ATP6V1H: variants seen among roughly 807,000 people sequenced by gnomAD.
ATP6V1H encodes V-type proton ATPase subunit H.
ATP6V1H carries 39 observed loss-of-function variants against 71.7 expected under a neutral mutation model. The observed-to-expected ratio is 0.54, with a 90% CI of 0.42 to 0.71. The LOEUF (loss-of-function observed/expected upper bound fraction) is 0.71. Among genes scored for constraint, ATP6V1H ranks in the 30% least tolerant of loss-of-function variants. The probability of loss-of-function intolerance (pLI) is 0.00; values close to 1 mark genes in which losing one functional copy is unlikely to be tolerated. For missense variants in ATP6V1H, 509 were observed against 594.9 expected (o/e 0.86, Z 1.50); for synonymous variants, 192 against 199.3 (o/e 0.96, Z 0.31).
chr8:53,804,507 T>C (rs1810016330), intron 7 of ATP6V1H, among the ~76,000 whole-genome samples: 1 of 152,108 alleles, frequency 6.6e-6, no homozygotes, highest in South Asian at 2.1e-4. Context: ...AAGTCCTGTC[T>C]CTACTAAACA....
chr8:53,841,568 T>C lies in ATP6V1H; in HGVS notation c.113+10A>G, dbSNP rs898177704. The C allele has an allele frequency of 7.4e-6, 12 of 1,613,700 alleles. No homozygotes were observed. The highest frequency in any genetic ancestry group is 1.0e-5 in the Non-Finnish European group (12 of 1,179,698). ...TGACTGTCCATGATTCACAGCAAAT[T>C]GGTACTTACTGAAGATAGGATTGCC... On this transcript the variant is annotated intron_variant, in intron 2 of 13. Transcript: ENST00000359530.
chr8:53,808,901 T>G (rs977021028), intron 7 of ATP6V1H, among the ~76,000 whole-genome samples: 5 of 152,214 alleles, frequency 3.3e-5, no homozygotes, highest in Non-Finnish European at 5.9e-5. Flanking sequence ...ATCATGTTTA[T>G]TTCACATTTT....
At chr8:53,730,378 C>A (rs369413106) in intron 13 of ATP6V1H, among the ~76,000 whole-genome samples, 2 of 152,180 alleles carry the variant, frequency 1.3e-5, no homozygotes, top group South Asian at 4.1e-4. Flanking sequence ...CAATTACATT[C>A]CTGTTTTGTT....
intron 13 of ATP6V1H, among the ~76,000 whole-genome samples, chr8:53,727,056 C>G (rs532322908): frequency 1.1e-4 from 17 of 152,198 alleles, no homozygotes; most frequent in Non-Finnish European, 2.4e-4. Context: ...CTAGTCTGGA[C>G]AGATGTTTTA....
intron 4 of ATP6V1H, among the ~76,000 whole-genome samples, chr8:53,828,812 A>G (rs1810904406): frequency 1.3e-5 from 2 of 152,254 alleles, no homozygotes; most frequent in South Asian, 4.1e-4. Context: ...CTTTCCTTCA[A>G]GTCTCCTGAG....
At chr8:53,833,335 T>C (rs563832994) in intron 2 of ATP6V1H, 14 of 412,788 alleles carry the variant, frequency 3.4e-5, no homozygotes, top group Non-Finnish European at 6.1e-5. Context: ...TAAGGGGCTG[T>C]ACTGAGGATA....
chr8:53,840,327 C>T (rs147337475), intron 2 of ATP6V1H, among the ~76,000 whole-genome samples: 335 of 152,160 alleles, frequency 2.2e-3, no homozygotes, highest in African/African-American at 7.6e-3. Flanking sequence ...GAAACCCTGT[C>T]TCTACTAAAA....
At chr8:53,717,363 C>T (rs1806460435) in intron 13 of ATP6V1H, among the ~76,000 whole-genome samples, 1 of 152,164 alleles carries the variant, frequency 6.6e-6, no homozygotes, top group Non-Finnish European at 1.5e-5. Flanking sequence ...GTGTCACGCA[C>T]CACTCCCCCC....
chr8:53,839,542 A>G (rs1424964189), intron 2 of ATP6V1H: 3 of 915,400 alleles, frequency 3.3e-6, no homozygotes, highest in Non-Finnish European at 3.9e-6. Flanking sequence ...GACTCTCTCA[A>G]TCTAACCAAT....
At chr8:53,780,025 G>A (rs1274155763) in intron 9 of ATP6V1H, among the ~76,000 whole-genome samples, 1 of 152,008 alleles carries the variant, frequency 6.6e-6, no homozygotes, top group Non-Finnish European at 1.5e-5. Context: ...CAGGCGTGGT[G>A]CTGCATGCCT....
At chr8:53,720,144 C>A (rs1806565420) in intron 13 of ATP6V1H, among the ~76,000 whole-genome samples, 1 of 152,114 alleles carries the variant, frequency 6.6e-6, no homozygotes, top group South Asian at 2.1e-4. Context: ...TACAAGCAAT[C>A]TATAGGAATG....
At chr8:53,724,015 A>G (rs1044682084) in intron 13 of ATP6V1H, among the ~76,000 whole-genome samples, 5 of 152,226 alleles carry the variant, frequency 3.3e-5, no homozygotes, top group Non-Finnish European at 5.9e-5. Flanking sequence ...ACAATTTACT[A>G]TTTTCTAAGT....
chr8:53,775,422 A>G (rs1311402561), intron 9 of ATP6V1H, among the ~76,000 whole-genome samples: 1 of 152,198 alleles, frequency 6.6e-6, no homozygotes, highest in African/African-American at 2.4e-5. Context: ...GGCCCCACCC[A>G]CATCCTGCTG....
At chr8:53,740,520 C>T (rs1807371044) in intron 13 of ATP6V1H, among the ~76,000 whole-genome samples, 1 of 152,174 alleles carries the variant, frequency 6.6e-6, no homozygotes, top group Non-Finnish European at 1.5e-5. Flanking sequence ...GGCTAAAATA[C>T]ACCATTTATA....
In ATP6V1H at chr8:53,811,171, G is replaced by A. The variant is rs576327305; in HGVS notation, c.572C>T (p.Ser191Leu). 1.5e-5 allele frequency: 25 copies of A among 1,613,002 alleles called. No individual in the cohort carries two copies. Among genetic ancestry groups the A allele is most frequent in the Middle Eastern group, 3.3e-4 (2 of 6,046 alleles). ...GTGAAGGAATATACTTACATCACTT[G>A]AAGAGACTGTTCCTGTTTCAACAGC... ...GVAVETGTVS[S>L]SDSSQYVQCV... Residue 191 changes from serine (S) to leucine (L), a missense_variant, in exon 7 of 14, where the codon TCA becomes TTA. By Grantham distance (145) the Ser-to-Leu change is moderately radical. Coordinates refer to ENST00000359530, the MANE Select transcript of ATP6V1H (RefSeq NM_015941.4).
chr8:53,773,794 T>C lies in ATP6V1H; in HGVS notation c.871-1627A>G, dbSNP rs186859839. Among the ~76,000 whole-genome samples the C allele has an allele frequency of 4.6e-5, 7 of 152,212 alleles. No homozygotes were observed. The East Asian group carries it at 1.4e-3, about 29-fold the overall frequency. On this transcript the variant is annotated intron_variant, in intron 9 of 13. Coordinates refer to ENST00000359530, the MANE Select transcript of ATP6V1H (RefSeq NM_015941.4). ...CCTCAATGAAATAAAATGCTTTCAA[T>C]ACATGAAAAATTTCAAACAAAAAAC...
intron 4 of ATP6V1H, among the ~76,000 whole-genome samples, chr8:53,827,762 C>A (rs137947104): frequency 6.6e-5 from 10 of 152,106 alleles, no homozygotes; most frequent in Non-Finnish European, 1.0e-4. Flanking sequence ...TCTCTCCCCC[C>A]ACCCTCCACC....
chr8:53,785,204 T>C (rs972600053), intron 9 of ATP6V1H, among the ~76,000 whole-genome samples: 10 of 152,194 alleles, frequency 6.6e-5, no homozygotes, highest in African/African-American at 1.9e-4. Flanking sequence ...TCTTTTCACA[T>C]AGTCCCATAT....
chr8:53,743,196 T>C (rs753288361), intron 13 of ATP6V1H, among the ~76,000 whole-genome samples: 3 of 152,216 alleles, frequency 2.0e-5, no homozygotes, highest in Admixed American at 6.5e-5. Context: ...TTTATGTGAA[T>C]TGGTAAAATT....
Sources: gnomAD v4.1 joint callset for allele counts (sites outside exome capture counted in the v4.1 genomes callset) on GRCh38, gnomAD v4.1.1 for gene constraint, MANE v1.5 for transcripts, NCBI Gene and HGNC (gene_info 2026-07-23, HGNC 2026-07-21) for gene names.